SNX4: variants seen among roughly 807,000 people sequenced by gnomAD.
The protein encoded by SNX4 is sorting nexin 4.
In SNX4, 49 loss-of-function variants were observed where a neutral mutation model predicts 70.8. That is an observed-to-expected ratio of 0.69 (90% CI 0.55 to 0.88). SNX4 has a LOEUF of 0.88. Ranked by LOEUF, SNX4 falls within the 40% of genes least tolerant of loss-of-function variation. The probability of loss-of-function intolerance (pLI) is 0.00; values close to 1 mark genes in which losing one functional copy is unlikely to be tolerated. For missense variants in SNX4, 528 were observed against 544.8 expected, an observed-to-expected ratio of 0.97 and a Z score of 0.31; for synonymous variants, 206 against 183.8, an observed-to-expected ratio of 1.12 and a Z score of -0.98.
At chr3:125,467,591 A>G (rs1241361447) in intron 9 of SNX4, among the ~76,000 whole-genome samples, 1 of 152,068 alleles carries the variant, frequency 6.6e-6, no homozygotes, top group Admixed American at 6.6e-5. Flanking sequence ...TTTAACTTAA[A>G]TAACAGAGAC....
rs1933566472 is a variant in SNX4 at position 125,451,344 on chromosome 3, G to A, written c.1266C>T (p.Leu422=). ...EQKNRDLKEA[L]ISYAVMQISM... ...TGATCTGCATGACTGCATAGCTTAT[G>A]AGGGCCTCCTTTAAGTCTCGGTTCT... Residue 422 remains leucine (L), a synonymous_variant, in exon 13 of 14, where the codon CTC becomes CTT. Coordinates refer to ENST00000251775, the MANE Select transcript of SNX4 (RefSeq NM_003794.4). 6.2e-7 allele frequency: 1 copy of A among 1,613,736 alleles called. No homozygotes were observed. The highest frequency in any genetic ancestry group is 8.5e-7 in the Non-Finnish European group (1 of 1,179,858).
chr3:125,461,742 A>C lies in SNX4; in HGVS notation c.855-882T>G, dbSNP rs1237981227. ...AGTGGCGCGATCTTGGCTCACTGCA[A>C]GCTCTGCCTCCCGGGTTCACGCCAT... On this transcript the variant is annotated intron_variant, in intron 9 of 13. Transcript: ENST00000251775. Among the ~76,000 whole-genome samples, 5 of 151,962 alleles carry C rather than the reference A, an allele frequency of 3.3e-5. No homozygotes were observed. In the South Asian group the frequency reaches 1.0e-3, roughly 32 times the overall value.
At chr3:125,483,155 T>C (rs1282402345) in intron 6 of SNX4, among the ~76,000 whole-genome samples, 3 of 149,308 alleles carry the variant, frequency 2.0e-5, no homozygotes, top group Non-Finnish European at 3.0e-5. Flanking sequence ...TAAATATATA[T>C]AAATATGTAT....
At chr3:125,505,987 A>G (rs1055828959) in intron 1 of SNX4, among the ~76,000 whole-genome samples, 4 of 152,220 alleles carry the variant, frequency 2.6e-5, no homozygotes, top group Admixed American at 6.5e-5. Flanking sequence ...CAATTAGAAA[A>G]TAATCACACA....
chr3:125,479,250 T>C lies in SNX4; in HGVS notation c.726+997A>G, dbSNP rs541269423. Among the ~76,000 whole-genome samples, 8 of 152,194 alleles carry C rather than the reference T, an allele frequency of 5.3e-5. No individual in the cohort carries two copies. In the East Asian group the frequency reaches 1.4e-3, roughly 26 times the overall value. On this transcript the variant is annotated intron_variant, in intron 7 of 13. Transcript: ENST00000251775. ...TTATTAAAACAAATTCCAGGCAATA[T>C]ATTTCATTTCAAGAGGATTCTGGCC...
chr3:125,484,930 G>A (rs1307826147), intron 6 of SNX4, among the ~76,000 whole-genome samples: 1 of 152,092 alleles, frequency 6.6e-6, no homozygotes. Context: ...GCTGGGCGTG[G>A]TGGTGGGCGC....
chr3:125,481,447 C>CTTTT (rs34708524), intron 6 of SNX4, among the ~76,000 whole-genome samples: 1 of 134,844 alleles, frequency 7.4e-6, no homozygotes, highest in Admixed American at 7.7e-5. Context: ...TTCCTGAAAT[C>CTTTT]TTTTTTTTTT....
chr3:125,508,220 C>A (rs578140087), intron 1 of SNX4, among the ~76,000 whole-genome samples: 9 of 152,240 alleles, frequency 5.9e-5, no homozygotes, highest in Non-Finnish European at 1.3e-4. Flanking sequence ...GAAAACTCAT[C>A]CTAAGAGTCA....
intron 1 of SNX4, chr3:125,517,081 T>G (rs1383604122): frequency 6.6e-6 from 1 of 152,178 alleles, no homozygotes; most frequent in Non-Finnish European, 1.5e-5. Context: ...ACTTGACTAG[T>G]CTAAAAAAAT....
chr3:125,495,526 T>G (rs1934774752), intron 5 of SNX4, among the ~76,000 whole-genome samples: 1 of 146,798 alleles, frequency 6.8e-6, no homozygotes. Flanking sequence ...TTCTGTATAC[T>G]GATATTACCT....
At chr3:125,498,542 C>T (rs541779571) in intron 2 of SNX4, among the ~76,000 whole-genome samples, 131 of 152,316 alleles carry the variant, frequency 8.6e-4, no homozygotes, top group African/African-American at 2.9e-3. Flanking sequence ...TGGTGTCAAA[C>T]TCCTGGGCTT....
chr3:125,495,978 A>C (rs1180228722), intron 5 of SNX4, among the ~76,000 whole-genome samples: 2 of 152,208 alleles, frequency 1.3e-5, no homozygotes, highest in Non-Finnish European at 2.9e-5. Flanking sequence ...TACAGCCAAG[A>C]AAATTCTAAT....
intron 7 of SNX4, 84 bp downstream of exon 7, chr3:125,480,163 C>A (rs1934378627): frequency 5.1e-6 from 4 of 782,358 alleles, no homozygotes; most frequent in South Asian, 4.8e-5. Context: ...ATGGTAAATA[C>A]CACCTACTAC....
intron 9 of SNX4, 44 bp from the exon 10 acceptor site, chr3:125,460,904 T>C (rs1933868306): frequency 3.1e-6 from 3 of 981,886 alleles, no homozygotes; most frequent in East Asian, 2.5e-5. Flanking sequence ...GTTACTTTCA[T>C]TGGAATACAA....
At chr3:125,449,304 C>T (rs1333370218) in intron 13 of SNX4, 3 of 151,842 alleles carry the variant, frequency 2.0e-5, no homozygotes, top group Non-Finnish European at 4.4e-5. Context: ...CACCTGTAAT[C>T]CCATCTACTC....
rs373128933 is a variant in SNX4 at position 125,493,329 on chromosome 3, T to C, written c.598-3866A>G. ...TAATGATGAAAAAACTGGTTGCTCA[T>C]GCTTATGTTAAATAGAACACAGATA... On this transcript the variant is annotated intron_variant, in intron 5 of 13. Coordinates refer to ENST00000251775, the MANE Select transcript of SNX4 (RefSeq NM_003794.4). 1.2e-4 allele frequency among the ~76,000 whole-genome samples: 19 copies of C among 152,262 alleles called. No individual in the cohort carries two copies. The East Asian group carries it at 2.3e-3, about 19-fold the overall frequency.
At chr3:125,470,355 T>C (rs958731190) in intron 8 of SNX4, among the ~76,000 whole-genome samples, 1 of 152,090 alleles carries the variant, frequency 6.6e-6, no homozygotes, top group Non-Finnish European at 1.5e-5. Flanking sequence ...TTCCTGGCTA[T>C]ACAGGTTGTT....
chr3:125,513,759 T>C (rs956526243), intron 1 of SNX4, among the ~76,000 whole-genome samples: 1 of 152,224 alleles, frequency 6.6e-6, no homozygotes, highest in African/African-American at 2.4e-5. Context: ...GGGCTCTGTC[T>C]ACACAGATCA....
intron 1 of SNX4, among the ~76,000 whole-genome samples, chr3:125,519,637 C>G (rs1217079586): frequency 6.6e-6 from 1 of 152,112 alleles, no homozygotes; most frequent in Non-Finnish European, 1.5e-5. Flanking sequence ...CCCTTAGCAA[C>G]TGGCTGAAAC....
Sources: gnomAD v4.1 joint callset for allele counts (sites outside exome capture counted in the v4.1 genomes callset) on GRCh38, gnomAD v4.1.1 for gene constraint, MANE v1.5 for transcripts, NCBI Gene and HGNC (gene_info 2026-07-23, HGNC 2026-07-21) for gene names.